MAP4: variants seen among roughly 807,000 people sequenced by gnomAD.
MAP4 encodes microtubule-associated protein 4.
A neutral mutation model predicts 170.2 loss-of-function variants in MAP4; 76 were observed. The observed-to-expected ratio is 0.45, with a 90% CI of 0.37 to 0.54. The LOEUF (loss-of-function observed/expected upper bound fraction) is 0.54. Ranked by LOEUF, MAP4 falls within the 20% of genes least tolerant of loss-of-function variation. The pLI is 0.00. For synonymous variants in MAP4, 909 were observed against 994.5 expected (o/e 0.91, Z 1.62); for missense variants, 2,506 against 2,748.0 (o/e 0.91, Z 1.97).
chr3:47,960,306 A>C (rs2100070825), intron 3 of MAP4: 1 of 225,158 alleles, frequency 4.4e-6, no homozygotes, highest in Non-Finnish European at 9.8e-6. Flanking sequence ...TGGAGGTTCA[A>C]ATCACTGGTA....
At chr3:47,920,072 G>C (rs1457324809) in intron 5 of MAP4, among the ~76,000 whole-genome samples, 1 of 152,194 alleles carries the variant, frequency 6.6e-6, no homozygotes, top group Non-Finnish European at 1.5e-5. Context: ...CCAGGTTCAA[G>C]TGATTCTTCT....
At chr3:48,001,236 G>C (rs1287695705) in intron 1 of MAP4, among the ~76,000 whole-genome samples, 2 of 152,146 alleles carry the variant, frequency 1.3e-5, no homozygotes, top group Non-Finnish European at 2.9e-5. Flanking sequence ...GCTGGAGATA[G>C]TTTGTCTCTA....
At chr3:47,878,452 G>T (rs775055513) in intron 10 of MAP4, among the ~76,000 whole-genome samples, 1 of 152,038 alleles carries the variant, frequency 6.6e-6, no homozygotes, top group Non-Finnish European at 1.5e-5. Flanking sequence ...AATATGAACA[G>T]ACTTTATAGA....
chr3:48,045,831 G>A (rs142267481), intron 1 of MAP4, among the ~76,000 whole-genome samples: 7 of 152,134 alleles, frequency 4.6e-5, no homozygotes, highest in Non-Finnish European at 7.4e-5. Flanking sequence ...GTAAGCCACC[G>A]CGCCCGGCTG....
intron 10 of MAP4, among the ~76,000 whole-genome samples, chr3:47,902,696 A>T (rs953108078): frequency 6.6e-6 from 1 of 150,826 alleles, no homozygotes; most frequent in Non-Finnish European, 1.5e-5. Context: ...AAAAAAAAAA[A>T]AAAAGAAGCC....
chr3:47,885,807 C>A (rs1373943486), intron 10 of MAP4, among the ~76,000 whole-genome samples: 1 of 151,550 alleles, frequency 6.6e-6, no homozygotes, highest in Non-Finnish European at 1.5e-5. Flanking sequence ...CGGCTCACTG[C>A]AAGCTCCGCC....
In MAP4 at chr3:47,867,288, A is replaced by G. The variant is rs754672538; in HGVS notation, c.6459T>C (p.Cys2153=). The change falls in exon 17 of 21, where the codon TGT becomes TGC. Residue 2153 remains cysteine (C), a synonymous_variant. Transcript: ENST00000683076. ...KVSYSHIQSK[C]GSKDNIKHVP... ...CATGCTTAATATTGTCCTTGGAACC[A>G]CACTTGGACTGAATATGGCTGTAGC... 8.7e-6 allele frequency: 14 copies of G among 1,613,692 alleles called. No individual in the cohort carries two copies. The highest frequency in any genetic ancestry group is 1.2e-5 in the Non-Finnish European group (14 of 1,179,754).
intron 4 of MAP4, among the ~76,000 whole-genome samples, chr3:47,925,211 G>A (rs2100045131): frequency 1.3e-5 from 2 of 152,302 alleles, no homozygotes; most frequent in South Asian, 4.1e-4. Context: ...CCACATGGGA[G>A]GTGACTACAC....
At chr3:48,037,353 T>C (rs2100119250) in intron 1 of MAP4, among the ~76,000 whole-genome samples, 1 of 152,162 alleles carries the variant, frequency 6.6e-6, no homozygotes, top group African/African-American at 2.4e-5. Context: ...AATAATTCTT[T>C]CACGCTTAAT....
chr3:47,888,633 G>A (rs868719013), intron 10 of MAP4, among the ~76,000 whole-genome samples: 2 of 152,198 alleles, frequency 1.3e-5, no homozygotes, highest in Admixed American at 1.3e-4. Flanking sequence ...CACTCACCGC[G>A]AGGGTCCGTG....
At chr3:47,983,791 C>A (rs2100086899) in intron 2 of MAP4, among the ~76,000 whole-genome samples, 1 of 152,140 alleles carries the variant, frequency 6.6e-6, no homozygotes, top group African/African-American at 2.4e-5. Flanking sequence ...GTAGCTGGGA[C>A]TACAGGCGTG....
chr3:48,080,539 G>C (rs1192375402), intron 1 of MAP4, among the ~76,000 whole-genome samples: 1 of 152,180 alleles, frequency 6.6e-6, no homozygotes, highest in Non-Finnish European at 1.5e-5. Context: ...ATCAAGTATA[G>C]CACTGGGAGT....
In MAP4 at chr3:48,037,358, C is replaced by T. The variant is rs959897755; in HGVS notation, c.-19-38479G>A. Among the ~76,000 whole-genome samples, 9 of 152,062 alleles carry T rather than the reference C, an allele frequency of 5.9e-5. No individual in the cohort carries two copies. The East Asian group carries it at 1.7e-3, about 29-fold the overall frequency. Reference sequence around the variant, plus strand: ...TCAATACTAAAATAATTCTTTCACGCTTAATAATTAAAATGCTATTCTTCT... The same window carrying T: ...TCAATACTAAAATAATTCTTTCACGTTTAATAATTAAAATGCTATTCTTCT... On this transcript the variant is annotated intron_variant, in intron 1 of 18. Coordinates refer to the MAP4 transcript ENST00000360240.
At chr3:48,086,614 C>A (rs183206491) in intron 1 of MAP4, among the ~76,000 whole-genome samples, 3 of 152,002 alleles carry the variant, frequency 2.0e-5, no homozygotes, top group Non-Finnish European at 4.4e-5. Flanking sequence ...CCAGCCTGGG[C>A]GACAGAGCAA....
chr3:47,915,083 T>C lies in MAP4; in HGVS notation c.1877-144A>G, dbSNP rs907921621. 7.4e-5 allele frequency: 69 copies of C among 935,686 alleles called. No homozygotes were observed. In the East Asian group the frequency reaches 1.7e-3, roughly 23 times the overall value. 58.0% of individuals were successfully genotyped at this position (935,686 alleles called of 1,614,324 possible). ...AAGGAGTGAAGTGGTAGTTGGAAGCTGAAGTTGGGAAGGTATGTCTAGTTA... is the reference window on the plus strand; with the variant it reads ...AAGGAGTGAAGTGGTAGTTGGAAGCCGAAGTTGGGAAGGTATGTCTAGTTA... On this transcript the variant is annotated intron_variant, in intron 7 of 20. Transcript: ENST00000683076.
At chr3:47,874,587 T>C (rs927751054) in intron 12 of MAP4, among the ~76,000 whole-genome samples, 2 of 152,216 alleles carry the variant, frequency 1.3e-5, no homozygotes, top group Non-Finnish European at 2.9e-5. Flanking sequence ...TACTCTCCTC[T>C]GTCACCCCCC....
rs1393573544 is a variant in MAP4, at chr3:47,855,822, CAA to C, written c.6584-464_6584-463del. 3.9e-5 allele frequency among the ~76,000 whole-genome samples: 6 copies of C among 152,204 alleles called. No individual in the cohort carries two copies. The highest frequency in any genetic ancestry group is 1.4e-4 in the African/African-American group (6 of 41,440). On this transcript the variant is annotated intron_variant, in intron 18 of 20. Transcript: ENST00000683076. The surrounding 1 kb of genome is among the most constrained non-coding windows in gnomAD (Gnocchi z 5.1). ...TTCCCAGCCGGTAAAACTGATGCTG[CAA>C]AAGAGAAGGGACTCACCCAGAGTTA...
chr3:47,967,902 C>T (rs1393659954), intron 3 of MAP4, among the ~76,000 whole-genome samples: 1 of 152,078 alleles, frequency 6.6e-6, no homozygotes, highest in Non-Finnish European at 1.5e-5. Flanking sequence ...TTCCAGGCTG[C>T]TATGATCACA....
intron 3 of MAP4, among the ~76,000 whole-genome samples, chr3:47,930,085 G>A (rs1043116471): frequency 1.3e-5 from 2 of 152,118 alleles, no homozygotes; most frequent in Non-Finnish European, 2.9e-5. Flanking sequence ...AGCTGACATT[G>A]TGCCACTGTA....
Sources: allele counts gnomAD v4.1 joint callset (sites outside exome capture counted in the v4.1 genomes callset), GRCh38; gene constraint gnomAD v4.1.1; non-coding constraint Gnocchi (gnomAD v3.1); transcripts MANE v1.5; gene names NCBI Gene and HGNC (gene_info 2026-07-23, HGNC 2026-07-21).